Variants in SLC27A6 observed in about 807,000 individuals in gnomAD.
SLC27A6 encodes the protein solute carrier family 27 member 6.
In SLC27A6, 74 loss-of-function variants were observed where a neutral mutation model predicts 63.9. The observed-to-expected ratio is 1.16, with a 90% CI of 0.96 to 1.40. SLC27A6 has a LOEUF of 1.40. SLC27A6 is among the 40% of genes most tolerant of loss of function. The pLI, the probability that SLC27A6 is intolerant of heterozygous loss-of-function variation, is 0.00. For missense variants in SLC27A6, 794 were observed against 732.9 expected (o/e 1.08, Z -0.96); for synonymous variants, 287 against 260.8 (o/e 1.10, Z -0.97).
At chr5:128,997,304 C>G (rs1257209230) in intron 4 of SLC27A6, among the ~76,000 whole-genome samples, 2 of 152,096 alleles carry the variant, frequency 1.3e-5, no homozygotes, top group Non-Finnish European at 2.9e-5. Flanking sequence ...TTGTATTCCT[C>G]AAATATTTGA....
At chr5:129,030,674 T>C (rs1752389124) in intron 9 of SLC27A6, among the ~76,000 whole-genome samples, 1 of 151,962 alleles carries the variant, frequency 6.6e-6, no homozygotes, top group Non-Finnish European at 1.5e-5. Context: ...ATTGAGATAG[T>C]TGTAGATTGA....
chr5:129,024,518 A>G (rs146881080), intron 6 of SLC27A6, among the ~76,000 whole-genome samples: 39 of 152,166 alleles, frequency 2.6e-4, no homozygotes, highest in Middle Eastern at 3.4e-3. Context: ...GGATGTATAT[A>G]TATTCCTGGG....
intron 9 of SLC27A6, among the ~76,000 whole-genome samples, chr5:129,032,186 A>G (rs1300784507): frequency 6.6e-6 from 1 of 152,010 alleles, no homozygotes; most frequent in African/African-American, 2.4e-5. Context: ...ATACCTAAAC[A>G]TTTGTTTATT....
intron 1 of SLC27A6, among the ~76,000 whole-genome samples, chr5:128,968,311 G>T (rs1245768407): frequency 5.9e-5 from 9 of 152,136 alleles, no homozygotes; most frequent in Non-Finnish European, 1.2e-4. Context: ...GGTATTTCTA[G>T]TTCTAGATCC....
chr5:128,988,935 T>A (rs1391335882), intron 3 of SLC27A6, among the ~76,000 whole-genome samples, 177 bp downstream of exon 3: 1 of 152,214 alleles, frequency 6.6e-6, no homozygotes, highest in African/African-American at 2.4e-5. Context: ...TTCAGTGTTT[T>A]CCTGAGGTGA....
At chr5:128,982,150 T>C (rs550497691) in intron 1 of SLC27A6, among the ~76,000 whole-genome samples, 1 of 152,240 alleles carries the variant, frequency 6.6e-6, no homozygotes, top group South Asian at 2.1e-4. Context: ...GCAGTGATAA[T>C]GATTCTTTAT....
At chr5:128,989,646 C>T (rs982300318) in intron 3 of SLC27A6, among the ~76,000 whole-genome samples, 2 of 152,172 alleles carry the variant, frequency 1.3e-5, no homozygotes, top group Non-Finnish European at 2.9e-5. Context: ...TTGAGGTGGC[C>T]GGGCGCAGTG....
intron 4 of SLC27A6, among the ~76,000 whole-genome samples, chr5:129,006,180 G>A (rs1012594221): frequency 8.4e-5 from 12 of 142,030 alleles, no homozygotes; most frequent in Admixed American, 1.5e-4. Flanking sequence ...CTCCGTTCAC[G>A]CCATTCTCCC....
chr5:128,970,673 C>A (rs10153745), intron 1 of SLC27A6, among the ~76,000 whole-genome samples: 1 of 152,094 alleles, frequency 6.6e-6, no homozygotes, highest in Non-Finnish European at 1.5e-5. Context: ...GTCTTGCTAG[C>A]AGTCTACCAA....
chr5:128,987,232 A>G (rs901707385), intron 2 of SLC27A6, among the ~76,000 whole-genome samples: 9 of 152,056 alleles, frequency 5.9e-5, no homozygotes, highest in Non-Finnish European at 1.2e-4. Flanking sequence ...AATCTTTGAG[A>G]TTCTTGTCTG....
At chr5:129,030,002 C>G (rs1752365927) in intron 9 of SLC27A6, among the ~76,000 whole-genome samples, 1 of 151,952 alleles carries the variant, frequency 6.6e-6, no homozygotes, top group South Asian at 2.1e-4. Context: ...CCACATCTTA[C>G]TTTTATCTTG....
chr5:128,981,654 C>G (rs866222603), intron 1 of SLC27A6, among the ~76,000 whole-genome samples: 25 of 152,014 alleles, frequency 1.6e-4, no homozygotes, highest in African/African-American at 2.2e-4. Context: ...TTTTGAGATG[C>G]TTATAATTCT....
intron 4 of SLC27A6, among the ~76,000 whole-genome samples, chr5:129,005,112 G>T (rs543124930): frequency 6.6e-6 from 1 of 151,976 alleles, no homozygotes; most frequent in South Asian, 2.1e-4. Flanking sequence ...TTCTTCCAGG[G>T]TTCACCAATA....
At position 128,985,271 on chromosome 5, in the gene SLC27A6, G is replaced by C; in HGVS notation, c.620G>C (p.Arg207Pro). The C allele has an allele frequency of 6.2e-7, 1 of 1,614,024 alleles. No individual in the cohort carries two copies. The highest frequency in any genetic ancestry group is 8.5e-7 in the Non-Finnish European group (1 of 1,179,994). ...ACCTCACCTGATGAGCCCGTGCCAC[G>C]CAGCCACCATGTTGTCTCACTCCTC... ...LSTSPDEPVP[R>P]SHHVVSLLKS... The change falls in exon 2 of 10, where the codon CGC becomes CCC. Residue 207 changes from arginine to proline, a missense_variant. Coordinates refer to ENST00000262462, the MANE Select transcript of SLC27A6 (RefSeq NM_001017372.3).
intron 1 of SLC27A6, among the ~76,000 whole-genome samples, chr5:128,981,599 G>A (rs1750590182): frequency 6.6e-6 from 1 of 152,274 alleles, no homozygotes; most frequent in East Asian, 1.9e-4. Flanking sequence ...ATGGCATGCG[G>A]CCAGGTAGAG....
rs116271396 is a variant in SLC27A6 at position 129,028,860 on chromosome 5, A to C, written c.1552+418A>C. On this transcript the variant is annotated intron_variant, in intron 8 of 9. Coordinates refer to ENST00000262462, the MANE Select transcript of SLC27A6 (RefSeq NM_001017372.3). ...GGCTCTTTATAAAAATTATTTTTAAATTTGGACTCATTATCCTTATAGTTA... is the reference window on the plus strand; with the variant it reads ...GGCTCTTTATAAAAATTATTTTTAACTTTGGACTCATTATCCTTATAGTTA... Among the ~76,000 whole-genome samples the C allele has an allele frequency of 4.5e-3, 680 of 152,148 alleles. 4 individuals carry two copies. Among genetic ancestry groups the C allele is most frequent in the Non-Finnish European group, 5.7e-3 (386 of 67,964 alleles).
intron 4 of SLC27A6, among the ~76,000 whole-genome samples, chr5:129,012,310 T>C (rs1463733226): frequency 6.6e-6 from 1 of 152,090 alleles, no homozygotes; most frequent in Non-Finnish European, 1.5e-5. Flanking sequence ...TTAATTTTAT[T>C]GTGGTCAGAG....
intron 6 of SLC27A6, among the ~76,000 whole-genome samples, chr5:129,026,247 A>T (rs914418808): frequency 9.9e-5 from 15 of 152,170 alleles, no homozygotes; most frequent in African/African-American, 3.6e-4. Flanking sequence ...CAAGTGGACA[A>T]TAGCCTTGAA....
chr5:128,986,884 G>A (rs1052678265), intron 2 of SLC27A6, among the ~76,000 whole-genome samples: 7 of 152,176 alleles, frequency 4.6e-5, no homozygotes, highest in Non-Finnish European at 1.0e-4. Context: ...AAATTCATTT[G>A]CCCCCACCAA....
Sources: gnomAD v4.1 joint callset for allele counts (sites outside exome capture counted in the v4.1 genomes callset) on GRCh38, gnomAD v4.1.1 for gene constraint, MANE v1.5 for transcripts, NCBI Gene and HGNC (gene_info 2026-07-23, HGNC 2026-07-21) for gene names.